DLC1: variants seen among roughly 807,000 people sequenced by gnomAD.
DLC1 encodes the protein rho GTPase-activating protein 7.
In DLC1, 54 loss-of-function variants were observed where a neutral mutation model predicts 140.3. The ratio of observed to expected loss-of-function variants is 0.38; its 90% CI spans 0.31 to 0.48. The LOEUF (loss-of-function observed/expected upper bound fraction) is 0.48. Among genes scored for constraint, DLC1 ranks in the 20% least tolerant of loss-of-function variants. The probability of loss-of-function intolerance (pLI) is 0.96; values close to 1 mark genes in which losing one functional copy is unlikely to be tolerated. For synonymous variants in DLC1, 986 were observed against 728.1 expected, an observed-to-expected ratio of 1.35 and a Z score of -5.70; for missense variants, 2,536 against 1,907.0, an observed-to-expected ratio of 1.33 and a Z score of -6.14.
chr8:13,356,897 C>G (rs1470105136), intron 4 of DLC1, among the ~76,000 whole-genome samples: 1 of 151,136 alleles, frequency 6.6e-6, no homozygotes, highest in Non-Finnish European at 1.5e-5. Context: ...TTACTTCACC[C>G]TTAAGATGTT....
At chr8:13,453,545 T>TATATGTATATATATAC (rs1799249742) in intron 2 of DLC1, among the ~76,000 whole-genome samples, 1 of 48,216 alleles carries the variant, frequency 2.1e-5, no homozygotes, top group African/African-American at 1.1e-4. Flanking sequence ...TATACATATA[T>TATATGTATATATATAC]ATATATATAT....
chr8:13,206,217 C>T (rs1450679701), intron 5 of DLC1, among the ~76,000 whole-genome samples: 3 of 152,116 alleles, frequency 2.0e-5, no homozygotes, highest in African/African-American at 7.2e-5. Flanking sequence ...TTCATCTTGC[C>T]TTAGTAAAAA....
intron 4 of DLC1, among the ~76,000 whole-genome samples, chr8:13,366,009 G>A (rs536509877): frequency 1.6e-4 from 25 of 152,294 alleles, no homozygotes; most frequent in Admixed American, 1.3e-3. Flanking sequence ...AGAAGGTGAA[G>A]TGGGAAAAGT....
intron 5 of DLC1, among the ~76,000 whole-genome samples, chr8:13,154,906 CTG>C (rs199662939): frequency 0.019 from 2,873 of 152,216 alleles, 89 homozygotes; most frequent in African/African-American, 0.065. Context: ...ATAGCAATCA[CTG>C]TTTTTTATAA....
At chr8:13,397,289 A>G (rs1170781815) in intron 3 of DLC1, among the ~76,000 whole-genome samples, 1 of 152,188 alleles carries the variant, frequency 6.6e-6, no homozygotes, top group African/African-American at 2.4e-5. Context: ...AATTGAGTCT[A>G]GAATCTAGAT....
At chr8:13,178,284 C>T (rs556846366) in intron 5 of DLC1, among the ~76,000 whole-genome samples, 39 of 152,178 alleles carry the variant, frequency 2.6e-4, no homozygotes, top group African/African-American at 8.7e-4. Flanking sequence ...AAAAATAGGC[C>T]GGGCGCGGTG....
chr8:13,472,943 T>C (rs62494114), intron 2 of DLC1, among the ~76,000 whole-genome samples: 70,688 of 151,636 alleles, frequency 0.47, 16,606 homozygotes, highest in African/African-American at 0.49. Flanking sequence ...ATTTACTGAG[T>C]ACCTGAATAC....
chr8:13,330,011 C>T (rs2116939944), intron 4 of DLC1, among the ~76,000 whole-genome samples: 1 of 152,248 alleles, frequency 6.6e-6, no homozygotes, highest in East Asian at 1.9e-4. Context: ...GTTACCCAGG[C>T]TGGAGTGCAG....
At chr8:13,463,922 G>A (rs906112607) in intron 2 of DLC1, among the ~76,000 whole-genome samples, 5 of 152,150 alleles carry the variant, frequency 3.3e-5, no homozygotes, top group African/African-American at 1.2e-4. Flanking sequence ...TTCCTTGTCT[G>A]TAGCCCCAGG....
intron 1 of DLC1, among the ~76,000 whole-genome samples, chr8:13,500,810 T>C (rs549451880): frequency 1.2e-5 from 1 of 82,944 alleles, no homozygotes; most frequent in East Asian, 3.8e-4. Context: ...TTAGAAAGCA[T>C]AACACATACC....
At chr8:13,413,256 A>ACTTTTTTTTTTTTTTTTTT (rs1491415150) in intron 2 of DLC1, among the ~76,000 whole-genome samples, 12 of 82,022 alleles carry the variant, frequency 1.5e-4, no homozygotes, top group Non-Finnish European at 2.3e-4. Context: ...TTTTTTTGCG[A>ACTTTTTTTTTTTTTTTTTT]TTTTTTTTTT....
intron 2 of DLC1, among the ~76,000 whole-genome samples, chr8:13,468,308 C>G (rs1280184122): frequency 6.8e-6 from 1 of 148,022 alleles, no homozygotes; most frequent in African/African-American, 2.5e-5. Context: ...TTCTTTTTTC[C>G]TTTCTTTTCT....
intron 5 of DLC1, among the ~76,000 whole-genome samples, chr8:13,196,690 C>T (rs561502923): frequency 4.6e-5 from 7 of 152,200 alleles, no homozygotes; most frequent in Non-Finnish European, 8.8e-5. Context: ...ATCATCTGTG[C>T]TTATTATCCT....
chr8:13,393,917 T>C (rs776750242), intron 3 of DLC1, among the ~76,000 whole-genome samples: 34 of 152,334 alleles, frequency 2.2e-4, no homozygotes, highest in Admixed American at 7.8e-4. Flanking sequence ...AGAGGTAACA[T>C]ACTATTTGGT....
At chr8:13,476,854 C>G (rs1800456006) in intron 2 of DLC1, among the ~76,000 whole-genome samples, 1 of 152,164 alleles carries the variant, frequency 6.6e-6, no homozygotes. Flanking sequence ...GTAGGATACA[C>G]CTTTTCATGT....
At chr8:13,094,463 C>T (rs1297379815) in intron 12 of DLC1, among the ~76,000 whole-genome samples, 3 of 151,980 alleles carry the variant, frequency 2.0e-5, no homozygotes, top group Admixed American at 6.6e-5. Flanking sequence ...GTCAGGAGTT[C>T]GAGACCATCC....
At chr8:13,522,253 G>A (rs763147160) in intron 1 of DLC1, among the ~76,000 whole-genome samples, 2 of 152,076 alleles carry the variant, frequency 1.3e-5, no homozygotes, top group Non-Finnish European at 2.9e-5. Context: ...GGGATGCCTC[G>A]TTAAATACAA....
intron 1 of DLC1, among the ~76,000 whole-genome samples, chr8:13,506,152 T>C (rs1213859039): frequency 1.3e-5 from 2 of 151,920 alleles, no homozygotes; most frequent in African/African-American, 4.8e-5. Context: ...ATGTGATATA[T>C]ATATGTGTGT....
intron 5 of DLC1, among the ~76,000 whole-genome samples, chr8:13,209,729 C>T (rs1827846994): frequency 1.3e-5 from 2 of 152,014 alleles, no homozygotes; most frequent in Admixed American, 1.3e-4. Context: ...GTGGCACCTC[C>T]CTCCTGTCTC....
Sources: allele counts gnomAD v4.1 joint callset (sites outside exome capture counted in the v4.1 genomes callset), GRCh38; gene constraint gnomAD v4.1.1; transcripts MANE v1.5; gene names NCBI Gene and HGNC (gene_info 2026-07-23, HGNC 2026-07-21).